Variants in MEIS2 observed in about 807,000 individuals in gnomAD.
MEIS2 encodes homeobox protein Meis2.
Under a neutral mutation model 58.6 loss-of-function variants are expected in MEIS2, and 9 were observed. The ratio of observed to expected loss-of-function variants is 0.15; its 90% CI spans 0.09 to 0.27. The LOEUF (loss-of-function observed/expected upper bound fraction) is 0.27, where lower values mean the gene tolerates loss of function less well. Among genes scored for constraint, MEIS2 ranks in the 10% least tolerant of loss-of-function variants. MEIS2 has a pLI of 1.00. For missense variants in MEIS2, 427 were observed against 635.0 expected, an observed-to-expected ratio of 0.67 and a Z score of 3.52; for synonymous variants, 221 against 228.4, an observed-to-expected ratio of 0.97 and a Z score of 0.29.
chr15:37,057,332 T>C (rs1462946457), intron 7 of MEIS2, among the ~76,000 whole-genome samples: 5 of 152,196 alleles, frequency 3.3e-5, no homozygotes, highest in Non-Finnish European at 7.3e-5. Context: ...AGAGTGCTGA[T>C]CCAATGAACA....
chr15:36,979,761 T>C (rs2059873242), intron 8 of MEIS2, among the ~76,000 whole-genome samples: 1 of 147,418 alleles, frequency 6.8e-6, no homozygotes, highest in African/African-American at 2.5e-5. Context: ...ATATAACATA[T>C]ATATATTACT....
intron 8 of MEIS2, among the ~76,000 whole-genome samples, chr15:36,954,728 G>A (rs2141405563): frequency 6.6e-6 from 1 of 152,180 alleles, no homozygotes; most frequent in Non-Finnish European, 1.5e-5. Context: ...TGCACAATTT[G>A]TCAAGTTACT....
intron 8 of MEIS2, among the ~76,000 whole-genome samples, chr15:37,023,893 T>A (rs2061606845): frequency 6.7e-6 from 1 of 148,448 alleles, no homozygotes; most frequent in South Asian, 2.2e-4. Context: ...CCATCTTCAC[T>A]GGCCTCCTTT....
At chr15:37,098,384 GAGAGAGAGAGA>G in intron 1 of MEIS2, 185 bp from the exon 2 acceptor site, 1 of 753,392 alleles carries the variant, frequency 1.3e-6, no homozygotes, top group Non-Finnish European at 1.6e-6. Flanking sequence ...GAGGGGGAGA[GAGAGAGAGAGA>G]GAGAGAGAGA....
Position 36,892,232 on chromosome 15 carries a change from T to C in MEIS2, c.1375A>G (p.Met459Val), listed in dbSNP as rs765614880. 41 of 1,613,972 alleles carry C rather than the reference T, an allele frequency of 2.5e-5. No homozygotes were observed. Among genetic ancestry groups the C allele is most frequent in the African/African-American group, 2.7e-5 (2 of 74,892 alleles). The part of the protein sequence containing the change: ...GMTMSAQSPT[M>V]LNSVDPNVGG... ...ACATTGGGATCTACAGAATTTAACA[T>C]TGTGGGGCTCTGTGCTGACATAGTC... is the stretch of plus-strand genomic sequence containing the variant. The change falls in exon 12 of 12, where the codon ATG becomes GTG. Residue 459 changes from methionine to valine, a missense_variant. Met to Val is a conservative substitution (Grantham distance 21). This residue lies in a region of MEIS2 where 154 missense variants were observed against 148.1 expected (regional missense o/e 1.04). Coordinates refer to ENST00000561208, the MANE Select transcript of MEIS2 (RefSeq NM_170675.5).
At chr15:36,918,765 C>T (rs1437925771) in intron 9 of MEIS2, among the ~76,000 whole-genome samples, 4 of 152,130 alleles carry the variant, frequency 2.6e-5, no homozygotes, top group Middle Eastern at 3.4e-3. Flanking sequence ...AGAGAACATA[C>T]CAGATAGAGA....
intron 8 of MEIS2, among the ~76,000 whole-genome samples, chr15:37,011,445 G>A (rs2061150471): frequency 1.3e-5 from 2 of 152,180 alleles, no homozygotes; most frequent in African/African-American, 4.8e-5. Context: ...TATAGATGCA[G>A]AGTCCAAAAG....
chr15:36,892,443 T>C lies in MEIS2; in HGVS notation c.1164A>G (p.Pro388=). The C allele has an allele frequency of 6.2e-7, 1 of 1,612,512 alleles. No individual in the cohort carries two copies. Among genetic ancestry groups the C allele is most frequent in the African/African-American group, 1.3e-5 (1 of 74,556 alleles). Residue 388 remains proline (P), a synonymous_variant, in exon 12 of 12, where the codon CCA becomes CCG. Coordinates refer to ENST00000561208, the MANE Select transcript of MEIS2 (RefSeq NM_170675.5). ...GACCACCCTGAGAAACGTAGTCCCC[T>C]GGCATGCTCTGCAAACCTGAAAATA... The part of the protein sequence containing the change: ...GIRPAGLQSM[P]GDYVSQGGPM...
intron 8 of MEIS2, among the ~76,000 whole-genome samples, chr15:37,022,741 C>G (rs1354480619): frequency 6.6e-6 from 1 of 152,102 alleles, no homozygotes; most frequent in Admixed American, 6.5e-5. Flanking sequence ...CAGGAGGGAG[C>G]AATTCAAGCA....
intron 9 of MEIS2, among the ~76,000 whole-genome samples, chr15:36,932,553 GA>G (rs1420777634): frequency 1.3e-5 from 2 of 151,802 alleles, no homozygotes; most frequent in Admixed American, 1.3e-4. Context: ...ATTAGAATAG[GA>G]AGTTTCTTTG....
At chr15:36,993,116 G>T (rs2141562752) in intron 8 of MEIS2, among the ~76,000 whole-genome samples, 1 of 152,198 alleles carries the variant, frequency 6.6e-6, no homozygotes, top group East Asian at 1.9e-4. Flanking sequence ...GGTAGTAGGA[G>T]GAGTTCTGGA....
chr15:37,092,694 T>A (rs1473938972), intron 6 of MEIS2, among the ~76,000 whole-genome samples: 1 of 111,240 alleles, frequency 9.0e-6, no homozygotes, highest in Non-Finnish European at 1.8e-5. Flanking sequence ...TCACTACATA[T>A]GCTTTTTTTT....
intron 9 of MEIS2, among the ~76,000 whole-genome samples, chr15:36,910,362 TA>T (rs2056949447): frequency 6.6e-6 from 1 of 152,146 alleles, no homozygotes; most frequent in South Asian, 2.1e-4. Flanking sequence ...AATGTGAAGG[TA>T]ATCAAAGTGA....
chr15:37,083,666 C>T, intron 7 of MEIS2, 105 bp downstream of exon 7: 1 of 789,496 alleles, frequency 1.3e-6, no homozygotes, highest in African/African-American at 1.7e-5. Flanking sequence ...ACTCCCTAAC[C>T]TGCCACTCTC....
chr15:37,048,900 G>A (rs2062791504), intron 7 of MEIS2, among the ~76,000 whole-genome samples: 1 of 152,088 alleles, frequency 6.6e-6, no homozygotes, highest in Non-Finnish European at 1.5e-5. Flanking sequence ...ACCAAATTTG[G>A]AACATATTTG....
intron 8 of MEIS2, among the ~76,000 whole-genome samples, chr15:37,025,937 T>C (rs1025714093): frequency 1.9e-4 from 29 of 152,290 alleles, no homozygotes; most frequent in African/African-American, 5.5e-4. Context: ...AGGTAATCCA[T>C]GAGATTTTGC....
At chr15:37,080,215 C>T (rs1022599798) in intron 7 of MEIS2, among the ~76,000 whole-genome samples, 1 of 152,100 alleles carries the variant, frequency 6.6e-6, no homozygotes. Flanking sequence ...TTATTCATTG[C>T]GGCTGAACCC....
chr15:37,023,927 T>C (rs2061612414), intron 8 of MEIS2, among the ~76,000 whole-genome samples: 1 of 150,642 alleles, frequency 6.6e-6, no homozygotes, highest in Non-Finnish European at 1.5e-5. Flanking sequence ...TTTTTTTTTT[T>C]TTTTTTGATG....
intron 9 of MEIS2, among the ~76,000 whole-genome samples, chr15:36,909,543 C>T (rs532976935): frequency 4.9e-4 from 75 of 152,110 alleles, no homozygotes; most frequent in Non-Finnish European, 7.6e-4. Flanking sequence ...TGCCCTGGAG[C>T]GGGACAGAAC....
Sources: gnomAD v4.1 joint callset for allele counts (sites outside exome capture counted in the v4.1 genomes callset) on GRCh38, gnomAD v4.1.1 for gene constraint, gnomAD v4.1.1 regional missense constraint, MANE v1.5 for transcripts, NCBI Gene and HGNC (gene_info 2026-07-23, HGNC 2026-07-21) for gene names.